The following NR2F1-AS1 variants were observed in gnomAD, a reference collection of about 807,000 sequenced individuals.
NR2F1-AS1 encodes the protein NR2F1 antisense RNA 1.
chr5:93,584,119 C>G (rs1753178696), upstream of NR2F1-AS1: 1 of 150,530 alleles, frequency 6.6e-6, no homozygotes. Flanking sequence ...GCTCACCGCG[C>G]TCCCCGCACT....
intron 2 of NR2F1-AS1, among the ~76,000 whole-genome samples, chr5:93,562,195 AAAAAGAAAAGAAAAG>A (rs1554072352): frequency 1.5e-5 from 2 of 136,664 alleles, no homozygotes; most frequent in East Asian, 2.0e-4. Context: ...AAAAAAAAAA[AAAAAGAAAAGAAAAG>A]AAAAGAAAAG....
intron 4 of NR2F1-AS1, among the ~76,000 whole-genome samples, chr5:93,431,252 G>C (rs1749306907): frequency 6.6e-6 from 1 of 151,686 alleles, no homozygotes; most frequent in South Asian, 2.1e-4. Flanking sequence ...ATAAATATCT[G>C]CATAGCTAAA....
chr5:93,544,171 T>A (rs1752022142), intron 4 of NR2F1-AS1: 1 of 152,100 alleles, frequency 6.6e-6, no homozygotes, highest in African/African-American at 2.4e-5. Context: ...AAGTGGGAAC[T>A]CAGTAATTAA....
intron 4 of NR2F1-AS1, among the ~76,000 whole-genome samples, chr5:93,486,111 T>C (rs1750709526): frequency 9.5e-6 from 1 of 105,380 alleles, no homozygotes; most frequent in African/African-American, 3.7e-5. Flanking sequence ...TGGGGACTGT[T>C]GTGGGGTGGG....
At chr5:93,473,610 A>AAT (rs1750416044) in intron 4 of NR2F1-AS1, among the ~76,000 whole-genome samples, 2 of 150,682 alleles carry the variant, frequency 1.3e-5, no homozygotes, top group Middle Eastern at 3.5e-3. Context: ...TATACCCTTA[A>AAT]ATATATATAT....
At chr5:93,530,576 G>A (rs1751715805) in intron 4 of NR2F1-AS1, among the ~76,000 whole-genome samples, 1 of 152,162 alleles carries the variant, frequency 6.6e-6, no homozygotes, top group South Asian at 2.1e-4. Flanking sequence ...TAGTAGTTGA[G>A]TGGCAAAGAG....
At chr5:93,474,982 G>A (rs191200854) in intron 4 of NR2F1-AS1, among the ~76,000 whole-genome samples, 60 of 152,218 alleles carry the variant, frequency 3.9e-4, no homozygotes, top group African/African-American at 1.3e-3. Context: ...AAATTAGCCA[G>A]GCATGGCCGT....
chr5:93,474,422 CA>C (rs1750437276), intron 4 of NR2F1-AS1, among the ~76,000 whole-genome samples: 1 of 152,086 alleles, frequency 6.6e-6, no homozygotes, highest in Non-Finnish European at 1.5e-5. Flanking sequence ...CAGGCTGTAC[CA>C]AAATTATTTT....
intron 4 of NR2F1-AS1, among the ~76,000 whole-genome samples, chr5:93,500,618 A>G (rs1258335548): frequency 1.3e-5 from 2 of 152,118 alleles, no homozygotes; most frequent in South Asian, 4.1e-4. Flanking sequence ...ATCAAGGAGT[A>G]ATTTTGACTT....
chr5:93,537,117 G>A (rs1292297267), intron 4 of NR2F1-AS1, among the ~76,000 whole-genome samples: 1 of 152,098 alleles, frequency 6.6e-6, no homozygotes, highest in Non-Finnish European at 1.5e-5. Flanking sequence ...TCAACAGTGT[G>A]AAAATGGACT....
At chr5:93,487,090 C>T (rs1043915716) in intron 4 of NR2F1-AS1, among the ~76,000 whole-genome samples, 16 of 152,060 alleles carry the variant, frequency 1.1e-4, no homozygotes, top group Non-Finnish European at 1.8e-4. Flanking sequence ...ACTGATGGGA[C>T]GTATCTCAAA....
intron 1 of NR2F1-AS1, among the ~76,000 whole-genome samples, chr5:93,574,183 C>T (rs977990487): frequency 9.9e-5 from 15 of 152,114 alleles, no homozygotes; most frequent in African/African-American, 3.6e-4. Context: ...CTCTAGACTG[C>T]GCCCAGGGAC....
chr5:93,500,866 C>T (rs774784943), intron 4 of NR2F1-AS1, among the ~76,000 whole-genome samples: 1 of 152,146 alleles, frequency 6.6e-6, no homozygotes, highest in Non-Finnish European at 1.5e-5. Flanking sequence ...CTGCCTGCCT[C>T]GGCCTCCCAA....
At chr5:93,547,480 T>C (rs535210744) in intron 4 of NR2F1-AS1, among the ~76,000 whole-genome samples, 1 of 152,308 alleles carries the variant, frequency 6.6e-6, no homozygotes, top group South Asian at 2.1e-4. Flanking sequence ...CCAAATATCA[T>C]TGAATCCAAT....
At chr5:93,475,451 G>A (rs1750463864) in intron 4 of NR2F1-AS1, among the ~76,000 whole-genome samples, 1 of 152,106 alleles carries the variant, frequency 6.6e-6, no homozygotes, top group African/African-American at 2.4e-5. Context: ...ACCAGAATTA[G>A]CAGATTACTA....
chr5:93,487,195 G>A (rs568146664), intron 4 of NR2F1-AS1, among the ~76,000 whole-genome samples: 1 of 152,120 alleles, frequency 6.6e-6, no homozygotes, highest in African/African-American at 2.4e-5. Flanking sequence ...ACAAGATAAG[G>A]ATACCCTCTC....
intron 4 of NR2F1-AS1, among the ~76,000 whole-genome samples, chr5:93,457,934 T>C (rs543221875): frequency 6.6e-6 from 1 of 152,304 alleles, no homozygotes; most frequent in African/African-American, 2.4e-5. Context: ...GATGGGTTCA[T>C]TGTACAACTT....
rs1752983115 is a variant in NR2F1-AS1 at position 93,579,973 on chromosome 5, G to A, written n.313+494C>T. The stretch of plus-strand genomic sequence containing the variant: ...ATGGCGTTACAAACGGCGTCCGCAG[G>A]TGGGCGGCTGCAGCCAAGCTCGCCA... On this transcript the variant is annotated intron_variant and non_coding_transcript_variant, in intron 1 of 5. Transcript: ENST00000660523. This position sits in a 1 kb window ranked among gnomAD's most constrained non-coding sequence, Gnocchi z 5.1. 6.6e-6 allele frequency among the ~76,000 whole-genome samples: 1 copy of A among 152,244 alleles called. No individual in the cohort carries two copies. Among genetic ancestry groups the A allele is most frequent in the Non-Finnish European group, 1.5e-5 (1 of 68,034 alleles).
intron 4 of NR2F1-AS1, among the ~76,000 whole-genome samples, chr5:93,540,931 T>C (rs1198297857): frequency 6.6e-6 from 1 of 152,210 alleles, no homozygotes; most frequent in Non-Finnish European, 1.5e-5. Flanking sequence ...TATTACTGGT[T>C]TGATAGAAGA....
Sources: gnomAD v4.1 joint callset for allele counts (sites outside exome capture counted in the v4.1 genomes callset) on GRCh38, gnomAD v4.1.1 for gene constraint, Gnocchi (gnomAD v3.1) non-coding constraint, MANE v1.5 for transcripts, NCBI Gene and HGNC (gene_info 2026-07-23, HGNC 2026-07-21) for gene names.